MSI2: variants seen among roughly 807,000 people sequenced by gnomAD.
MSI2 encodes the protein RNA-binding protein Musashi homolog 2.
In MSI2, 17 loss-of-function variants were observed where a neutral mutation model predicts 45.6. The observed-to-expected ratio is 0.37, with a 90% CI of 0.26 to 0.56. The LOEUF is 0.56. Among genes scored for constraint, MSI2 ranks in the 20% least tolerant of loss-of-function variants. The pLI is 0.77. For missense variants in MSI2, 293 were observed against 444.2 expected, an observed-to-expected ratio of 0.66 and a Z score of 3.06; for synonymous variants, 156 against 158.2, an observed-to-expected ratio of 0.99 and a Z score of 0.11.
intron 5 of MSI2, among the ~76,000 whole-genome samples, chr17:57,322,116 C>T (rs1309275480): frequency 6.6e-6 from 1 of 152,210 alleles, no homozygotes; most frequent in African/African-American, 2.4e-5. Context: ...AAATTTTAAG[C>T]TCCATGAGGG....
intron 7 of MSI2, among the ~76,000 whole-genome samples, chr17:57,589,049 A>G (rs1474201956): frequency 1.3e-5 from 2 of 152,324 alleles, no homozygotes; most frequent in Admixed American, 6.5e-5. Flanking sequence ...CTGATCCTCA[A>G]TAACCACCTT....
chr17:57,395,574 T>C (rs2083874114), intron 5 of MSI2, among the ~76,000 whole-genome samples: 1 of 151,852 alleles, frequency 6.6e-6, no homozygotes, highest in Non-Finnish European at 1.5e-5. Flanking sequence ...GGGAAAAATA[T>C]GGGGAGAAGT....
chr17:57,528,105 C>CCA (rs1567879277), intron 6 of MSI2, among the ~76,000 whole-genome samples: 15 of 150,748 alleles, frequency 1.0e-4, no homozygotes, highest in African/African-American at 3.7e-4. Context: ...TTTACCCCCC[C>CCA]TACAGCCACA....
At chr17:57,655,070 T>C (rs1005632) in intron 11 of MSI2, among the ~76,000 whole-genome samples, 124,309 of 151,718 alleles carry the variant, frequency 0.82, 51,576 homozygotes, top group African/African-American at 0.93. Flanking sequence ...GTAGGAGGTC[T>C]GGGGGGGCCT....
intron 5 of MSI2, among the ~76,000 whole-genome samples, chr17:57,334,165 G>A (rs1285480233): frequency 3.3e-5 from 5 of 152,080 alleles, no homozygotes; most frequent in African/African-American, 4.8e-5. Flanking sequence ...GCATTTCTTC[G>A]GAGTTTGAAA....
intron 11 of MSI2, among the ~76,000 whole-genome samples, chr17:57,667,122 C>T (rs934580500): frequency 7.9e-5 from 12 of 152,160 alleles, no homozygotes; most frequent in Middle Eastern, 3.2e-3. Context: ...GGTGGCATCT[C>T]GCCTCCCCAG....
intron 11 of MSI2, 196 bp from the exon 12 acceptor site, chr17:57,674,776 G>T: frequency 1.4e-6 from 1 of 698,984 alleles, no homozygotes; most frequent in Non-Finnish European, 2.3e-6. Flanking sequence ...GAGTATTCTT[G>T]AGTCCCTGCT....
chr17:57,541,077 G>A (rs1426682018), intron 7 of MSI2, among the ~76,000 whole-genome samples: 1 of 151,852 alleles, frequency 6.6e-6, no homozygotes, highest in Non-Finnish European at 1.5e-5. Context: ...AGCCTGACTT[G>A]GTTCACACCT....
chr17:57,375,562 G>T (rs999357329), intron 5 of MSI2, among the ~76,000 whole-genome samples: 2 of 152,206 alleles, frequency 1.3e-5, no homozygotes, highest in African/African-American at 4.8e-5. Context: ...TGTGAAGCCA[G>T]CCAGAGCTTC....
At chr17:57,395,492 C>T (rs1335869190) in intron 5 of MSI2, among the ~76,000 whole-genome samples, 1 of 151,886 alleles carries the variant, frequency 6.6e-6, no homozygotes, top group East Asian at 1.9e-4. Context: ...GAGGGTGGCT[C>T]CGAGGGTGAT....
intron 7 of MSI2, among the ~76,000 whole-genome samples, chr17:57,585,106 C>T (rs775480443): frequency 6.6e-6 from 1 of 152,132 alleles, no homozygotes; most frequent in Non-Finnish European, 1.5e-5. Context: ...GCATGAGCCA[C>T]CACCACGCCC....
At chr17:57,478,757 G>A (rs569995932) in intron 6 of MSI2, among the ~76,000 whole-genome samples, 2 of 152,160 alleles carry the variant, frequency 1.3e-5, no homozygotes, top group Admixed American at 6.5e-5. Context: ...TTTTGGCCAT[G>A]GGCAAGAGGC....
chr17:57,320,063 C>T (rs755599476), intron 5 of MSI2, among the ~76,000 whole-genome samples: 4 of 152,174 alleles, frequency 2.6e-5, no homozygotes, highest in Non-Finnish European at 5.9e-5. Context: ...CTCAGCTTCT[C>T]TGGAATGACA....
rs1598469619 is a variant in MSI2 at position 57,627,615 on chromosome 17, G to A, written c.727+312G>A. 18 of 436,146 alleles carry A rather than the reference G, an allele frequency of 4.1e-5. No homozygotes were observed. The South Asian group carries it at 4.7e-4, about 11-fold the overall frequency. 27.0% of individuals were successfully genotyped at this position (436,146 alleles called of 1,614,324 possible). A position where few individuals can be genotyped will look rare whatever the true frequency, so the allele number is the denominator to read the frequency against. On this transcript the variant is annotated intron_variant, in intron 10 of 13. Coordinates refer to ENST00000284073, the MANE Select transcript of MSI2 (RefSeq NM_138962.4). The surrounding 1 kb of genome is among the most constrained non-coding windows in gnomAD (Gnocchi z 4.6). ...AGCCTCTTCCGGGTTTTTTCTCACT[G>A]GGGACTGAACTCTAGGCCCAGGGCT...
Position 57,379,869 on chromosome 17 carries a change from T to C in MSI2, c.313-21510T>C, listed in dbSNP as rs1400452199. On this transcript the variant is annotated intron_variant, in intron 5 of 13. Transcript: ENST00000284073. ...TTTCTTTGTTCTCGAATACGGTGAC[T>C]CCCCACCCCTCCCAACTTCTCTTTG... Among the ~76,000 whole-genome samples the C allele has an allele frequency of 3.9e-5, 6 of 152,202 alleles. No homozygotes were observed. In the East Asian group the frequency reaches 9.6e-4, roughly 24 times the overall value.
At chr17:57,414,912 G>A (rs977087879) in intron 6 of MSI2, among the ~76,000 whole-genome samples, 3 of 152,126 alleles carry the variant, frequency 2.0e-5, no homozygotes, top group Non-Finnish European at 4.4e-5. Flanking sequence ...GGCAGGTTTC[G>A]GCATAGAGGG....
chr17:57,272,680 G>T (rs961090721), intron 5 of MSI2, among the ~76,000 whole-genome samples: 5 of 152,192 alleles, frequency 3.3e-5, no homozygotes, highest in African/African-American at 1.2e-4. Context: ...CCTAGGTCTT[G>T]CTGATTTCCT....
At chr17:57,663,270 C>T (rs868230531) in intron 11 of MSI2, among the ~76,000 whole-genome samples, 1 of 152,166 alleles carries the variant, frequency 6.6e-6, no homozygotes, top group Non-Finnish European at 1.5e-5. Context: ...CGAGCAGGGC[C>T]TCATTTGTTT....
chr17:57,410,368 A>G (rs983347037), intron 6 of MSI2, among the ~76,000 whole-genome samples: 3 of 152,186 alleles, frequency 2.0e-5, no homozygotes, highest in African/African-American at 7.2e-5. Flanking sequence ...GCTGCTGGGT[A>G]AACAGCCAGC....
Sources: allele counts gnomAD v4.1 joint callset (sites outside exome capture counted in the v4.1 genomes callset), GRCh38; gene constraint gnomAD v4.1.1; non-coding constraint Gnocchi (gnomAD v3.1); transcripts MANE v1.5; gene names NCBI Gene and HGNC (gene_info 2026-07-23, HGNC 2026-07-21).